Variants in KIF4A observed in about 807,000 individuals in gnomAD.
KIF4A encodes kinesin family member 4A, also known as chromosome-associated kinesin KIF4A.
Under a neutral mutation model 105.9 loss-of-function variants are expected in KIF4A, and 7 were observed. The observed-to-expected ratio is 0.07, with a 90% CI of 0.04 to 0.12. KIF4A has a LOEUF of 0.12. Ranked by LOEUF, KIF4A falls within the 10% of genes least tolerant of loss-of-function variation. KIF4A has a pLI of 1.00. For missense variants in KIF4A, 558 were observed against 929.2 expected (o/e 0.60, Z 5.19); for synonymous variants, 281 against 331.3 (o/e 0.85, Z 1.65).
chrX:70,322,589 G>A (rs2085895246), intron 7 of KIF4A, among the ~76,000 whole-genome samples: 1 of 109,555 alleles, frequency 9.1e-6, no homozygotes. Flanking sequence ...GGGATTACAG[G>A]CGTGAGCCAC....
At chrX:70,332,123 T>A (rs1452661760) in intron 9 of KIF4A, among the ~76,000 whole-genome samples, 1 of 111,915 alleles carries the variant, frequency 8.9e-6, no homozygotes, top group East Asian at 2.8e-4. Flanking sequence ...TTCAGAAAGA[T>A]CTGTGCTTGA....
At chrX:70,360,074 A>G (rs1416629891) in intron 15 of KIF4A, among the ~76,000 whole-genome samples, 2 of 111,436 alleles carry the variant, frequency 1.8e-5, no homozygotes, top group Non-Finnish European at 3.8e-5. Flanking sequence ...GCCCACGTGC[A>G]CCCGAATCAG....
intron 28 of KIF4A, among the ~76,000 whole-genome samples, chrX:70,413,348 T>C (rs1004668570): frequency 8.9e-6 from 1 of 112,349 alleles, no homozygotes; most frequent in Non-Finnish European, 1.9e-5. Flanking sequence ...AGAAGAGTGC[T>C]TGGGGCCAGG....
intron 7 of KIF4A, among the ~76,000 whole-genome samples, chrX:70,304,649 CTTTTTTT>C (rs138222376): frequency 1.7e-4 from 9 of 51,538 alleles, no homozygotes; most frequent in African/African-American, 6.8e-4. Context: ...TACTTCATTC[CTTTTTTT>C]TTTTTTTTTT....
At chrX:70,323,176 T>C (rs780022694) in intron 7 of KIF4A, among the ~76,000 whole-genome samples, 1 of 111,173 alleles carries the variant, frequency 9.0e-6, no homozygotes, top group Non-Finnish European at 1.9e-5. Flanking sequence ...TCATTCAAAT[T>C]TGCGCTCAGT....
At chrX:70,395,495 G>T (rs747321950) in intron 20 of KIF4A, among the ~76,000 whole-genome samples, 176 bp from the exon 21 acceptor site, 12 of 111,634 alleles carry the variant, frequency 1.1e-4, no homozygotes, top group Middle Eastern at 4.6e-3. Context: ...TTGGCATGTT[G>T]CTGTTAAAGG....
chrX:70,296,083 C>CTTTTTT (rs386417082), intron 3 of KIF4A, among the ~76,000 whole-genome samples: 12 of 65,022 alleles, frequency 1.8e-4, no homozygotes, highest in South Asian at 1.4e-3. Flanking sequence ...ATAAATGATG[C>CTTTTTT]TTTTTTTTTT....
At chrX:70,413,717 G>C (rs1295239017) in intron 28 of KIF4A, among the ~76,000 whole-genome samples, 1 of 110,556 alleles carries the variant, frequency 9.0e-6, no homozygotes, top group Non-Finnish European at 1.9e-5. Flanking sequence ...GAGGTGGGAG[G>C]ACTGCTTGAG....
chrX:70,352,810 A>G (rs1186734193), intron 14 of KIF4A, among the ~76,000 whole-genome samples, 154 bp downstream of exon 14: 2 of 112,130 alleles, frequency 1.8e-5, no homozygotes, highest in African/African-American at 3.2e-5. Flanking sequence ...TCAGCTTCAT[A>G]AAATCCCTAC....
intron 7 of KIF4A, among the ~76,000 whole-genome samples, chrX:70,302,921 T>G (rs1354053862): frequency 8.9e-6 from 1 of 111,964 alleles, no homozygotes; most frequent in Non-Finnish European, 1.9e-5. Context: ...TTAATCTCTC[T>G]AACAAAAATT....
intron 5 of KIF4A, 129 bp downstream of exon 5, chrX:70,299,331 T>A: frequency 2.2e-6 from 1 of 462,075 alleles, no homozygotes; most frequent in Non-Finnish European, 3.4e-6. Context: ...TCTGTGGTCC[T>A]AAGTCCCTTT....
chrX:70,335,308 TG>T (rs751499184), intron 10 of KIF4A, among the ~76,000 whole-genome samples: 4 of 112,451 alleles, frequency 3.6e-5, no homozygotes, highest in Non-Finnish European at 7.5e-5. Flanking sequence ...AAATACTGTA[TG>T]ATTCCACTTA....
intron 27 of KIF4A, 101 bp downstream of exon 27, chrX:70,406,455 T>C: frequency 1.7e-6 from 1 of 602,417 alleles, no homozygotes; most frequent in Non-Finnish European, 2.7e-6. Flanking sequence ...AATTCCCAAA[T>C]TCTAGCATCT....
intron 18 of KIF4A, among the ~76,000 whole-genome samples, chrX:70,378,456 C>T (rs772792634): frequency 8.1e-5 from 9 of 111,733 alleles, no homozygotes; most frequent in Admixed American, 3.8e-4. Flanking sequence ...AGGCTGGGCG[C>T]GGTGGCTCAA....
chrX:70,369,863 T>C (rs1265924214), intron 15 of KIF4A, among the ~76,000 whole-genome samples: 4 of 111,959 alleles, frequency 3.6e-5, no homozygotes, highest in Non-Finnish European at 7.5e-5. Flanking sequence ...TGATATGTAA[T>C]ATATAATACA....
chrX:70,362,842 T>TA (rs2086082128), intron 15 of KIF4A, among the ~76,000 whole-genome samples: 1 of 112,411 alleles, frequency 8.9e-6, no homozygotes, highest in South Asian at 3.7e-4. Context: ...TGAAATAAAT[T>TA]CTTAATATAA....
At chrX:70,333,830 T>C (rs2085940528) in intron 10 of KIF4A, 141 bp downstream of exon 10, 3 of 427,161 alleles carry the variant, frequency 7.0e-6, no homozygotes, top group Non-Finnish European at 1.2e-5. Flanking sequence ...GACTTAGTTA[T>C]GTTTGAAGCA....
intron 8 of KIF4A, 27 bp downstream of exon 8, chrX:70,329,548 A>G (rs1334868286): frequency 9.0e-7 from 1 of 1,116,225 alleles, no homozygotes; most frequent in East Asian, 3.0e-5. Context: ...TCCAAAAATA[A>G]GAGAGTAACT....
chrX:70,353,759 G>A lies in KIF4A; in HGVS notation c.1626G>A (p.Lys542=). 3.3e-6 allele frequency: 4 copies of A among 1,201,782 alleles called. No homozygotes were observed. The highest frequency in any genetic ancestry group is 3.4e-6 in the Non-Finnish European group (3 of 890,176). ...ALALKEALAR[K]MTQNDSQLQP... ...CACTGAAAGAGGCCCTGGCTAGGAA[G>A]ATGACTCAGAATGACAGCCAACTGC... The change falls in exon 15 of 31, where the codon AAG becomes AAA. Residue 542 remains lysine (K), a synonymous_variant. Coordinates refer to ENST00000374403, the MANE Select transcript of KIF4A (RefSeq NM_012310.5).
Sources: gnomAD v4.1 joint callset for allele counts (sites outside exome capture counted in the v4.1 genomes callset) on GRCh38, gnomAD v4.1.1 for gene constraint, MANE v1.5 for transcripts, NCBI Gene and HGNC (gene_info 2026-07-23, HGNC 2026-07-21) for gene names.